Variants in ADAM12 observed in about 807,000 individuals in gnomAD.
The protein encoded by ADAM12 is ADAM metallopeptidase domain 12, also known as disintegrin and metalloproteinase domain-containing protein 12.
A neutral mutation model predicts 106.4 loss-of-function variants in ADAM12; 70 were observed. The ratio of observed to expected loss-of-function variants is 0.66; its 90% CI spans 0.54 to 0.80. The LOEUF (loss-of-function observed/expected upper bound fraction) is 0.80, where lower values mean the gene tolerates loss of function less well. Ranked by LOEUF, ADAM12 falls within the 30% of genes least tolerant of loss-of-function variation. The pLI, the probability that ADAM12 is intolerant of heterozygous loss-of-function variation, is 0.00. For synonymous variants in ADAM12, 420 were observed against 433.5 expected, an observed-to-expected ratio of 0.97 and a Z score of 0.39; for missense variants, 1,010 against 1,171.9, an observed-to-expected ratio of 0.86 and a Z score of 2.02.
intron 21 of ADAM12, among the ~76,000 whole-genome samples, chr10:126,028,851 A>C (rs1354559040): frequency 1.3e-5 from 2 of 152,322 alleles, no homozygotes; most frequent in East Asian, 1.9e-4. Context: ...AGAATGGGAG[A>C]AAGTTTTTCA....
intron 3 of ADAM12, among the ~76,000 whole-genome samples, chr10:126,247,986 C>T (rs978796337): frequency 6.6e-6 from 1 of 152,274 alleles, no homozygotes; most frequent in South Asian, 2.1e-4. Flanking sequence ...GTCTGTGGGC[C>T]GTGAAGGCAG....
At chr10:126,368,356 G>GTTTTTTTTTTT (rs34317249) in intron 1 of ADAM12, among the ~76,000 whole-genome samples, 1 of 118,402 alleles carries the variant, frequency 8.4e-6, no homozygotes, top group East Asian at 2.5e-4. Flanking sequence ...TGTGTGATTT[G>GTTTTTTTTTTT]TTTTTTTTTT....
intron 3 of ADAM12, among the ~76,000 whole-genome samples, chr10:126,174,254 G>A (rs925254612): frequency 4.6e-5 from 7 of 151,240 alleles, no homozygotes; most frequent in African/African-American, 1.5e-4. Context: ...TAAACCATCT[G>A]AGGATAAGTG....
chr10:126,102,594 G>T (rs1382695781), intron 8 of ADAM12, among the ~76,000 whole-genome samples: 1 of 152,206 alleles, frequency 6.6e-6, no homozygotes, highest in African/African-American at 2.4e-5. Flanking sequence ...GTGAGCATTG[G>T]GTTAGCAGGA....
intron 3 of ADAM12, among the ~76,000 whole-genome samples, chr10:126,249,621 G>A (rs1469126166): frequency 6.6e-6 from 1 of 152,090 alleles, no homozygotes; most frequent in Non-Finnish European, 1.5e-5. Context: ...GGAGAATGGC[G>A]TCAACCCGGG....
intron 1 of ADAM12, among the ~76,000 whole-genome samples, chr10:126,385,916 C>G (rs1856644047): frequency 6.6e-6 from 1 of 152,044 alleles, no homozygotes; most frequent in African/African-American, 2.4e-5. Flanking sequence ...GGAAAATATA[C>G]CATGCAGGGA....
intron 3 of ADAM12, among the ~76,000 whole-genome samples, chr10:126,244,414 G>A (rs59159798): frequency 0.036 from 5,519 of 152,200 alleles, 378 homozygotes; most frequent in African/African-American, 0.12. Context: ...AGACTCTGGA[G>A]CAGCAGAGAA....
intron 3 of ADAM12, among the ~76,000 whole-genome samples, chr10:126,188,992 A>C (rs1957449192): frequency 6.6e-6 from 1 of 152,060 alleles, no homozygotes; most frequent in Non-Finnish European, 1.5e-5. Flanking sequence ...TTCACCATCC[A>C]TCCATCCATG....
At chr10:126,132,528 C>T (rs563785639) in intron 5 of ADAM12, among the ~76,000 whole-genome samples, 3 of 140,094 alleles carry the variant, frequency 2.1e-5, no homozygotes, top group South Asian at 5.3e-4. Context: ...ATGAACACCC[C>T]CCCCCCCTCA....
chr10:126,113,314 TTGAGTGA>T (rs1248265363), intron 6 of ADAM12, among the ~76,000 whole-genome samples: 5 of 151,552 alleles, frequency 3.3e-5, no homozygotes, highest in African/African-American at 1.2e-4. Context: ...GGCAAGGAGG[TTGAGTGA>T]TAGCCTAATA....
intron 3 of ADAM12, among the ~76,000 whole-genome samples, chr10:126,236,716 G>A (rs11244897): frequency 6.6e-6 from 1 of 151,176 alleles, no homozygotes; most frequent in Non-Finnish European, 1.5e-5. Flanking sequence ...AGGAGCACCT[G>A]CAGGAAGGAG....
At chr10:126,070,386 C>G (rs1472738888) in intron 12 of ADAM12, 1 of 152,250 alleles carries the variant, frequency 6.6e-6, no homozygotes, top group Non-Finnish European at 1.5e-5. Flanking sequence ...CCAATACTTA[C>G]ATACTTCCAG....
intron 1 of ADAM12, among the ~76,000 whole-genome samples, chr10:126,343,354 C>G (rs982586377): frequency 3.3e-5 from 5 of 152,036 alleles, no homozygotes; most frequent in East Asian, 1.9e-4. Flanking sequence ...CAAAGGATAT[C>G]AACTCATCAT....
chr10:126,307,084 C>T (rs1056358034), intron 2 of ADAM12, among the ~76,000 whole-genome samples: 1 of 152,162 alleles, frequency 6.6e-6, no homozygotes, highest in Non-Finnish European at 1.5e-5. Context: ...GTCTATTGAT[C>T]TGTCTTCAAG....
chr10:126,111,148 G>A lies in ADAM12; in HGVS notation c.604-1308C>T, dbSNP rs568712873. On this transcript the variant is annotated intron_variant, in intron 6 of 22. Coordinates refer to ENST00000448723, the MANE Select transcript of ADAM12 (RefSeq NM_001288973.2). Reference sequence around the variant, plus strand: ...GTGTTCCTTCTTGCTGCCCAGCTGTGCTAATTCATGAATTTAGGTGTTCCT... The same window carrying A: ...GTGTTCCTTCTTGCTGCCCAGCTGTACTAATTCATGAATTTAGGTGTTCCT... 2.6e-5 allele frequency among the ~76,000 whole-genome samples: 4 copies of A among 152,234 alleles called. No homozygotes were observed. The South Asian group carries it at 8.3e-4, about 32-fold the overall frequency.
At chr10:126,152,525 G>C (rs1473341673) in intron 4 of ADAM12, among the ~76,000 whole-genome samples, 1 of 151,246 alleles carries the variant, frequency 6.6e-6, no homozygotes, top group East Asian at 1.9e-4. Flanking sequence ...TTTGCCTTAA[G>C]GTCTAGCTTC....
intron 3 of ADAM12, among the ~76,000 whole-genome samples, chr10:126,230,433 G>C (rs559628378): frequency 1.3e-5 from 2 of 152,276 alleles, no homozygotes; most frequent in African/African-American, 4.8e-5. Context: ...TGAAACTGCT[G>C]AGTCGAATGC....
intron 8 of ADAM12, among the ~76,000 whole-genome samples, chr10:126,107,834 G>C (rs1462966482): frequency 6.6e-6 from 1 of 152,194 alleles, no homozygotes; most frequent in African/African-American, 2.4e-5. Flanking sequence ...TGCGGGGCTT[G>C]TGAGAAGCCT....
chr10:126,338,548 G>A (rs541244907), intron 1 of ADAM12, among the ~76,000 whole-genome samples: 7 of 152,232 alleles, frequency 4.6e-5, no homozygotes, highest in South Asian at 4.1e-4. Flanking sequence ...CACCGCGCCC[G>A]GCCTGTAACT....
Sources: allele counts gnomAD v4.1 joint callset (sites outside exome capture counted in the v4.1 genomes callset), GRCh38; gene constraint gnomAD v4.1.1; transcripts MANE v1.5; gene names NCBI Gene and HGNC (gene_info 2026-07-23, HGNC 2026-07-21).